Variants in KDM1A observed in about 807,000 individuals in gnomAD.
KDM1A encodes lysine-specific histone demethylase 1A.
A neutral mutation model predicts 109.4 loss-of-function variants in KDM1A; 49 were observed. The ratio of observed to expected loss-of-function variants is 0.45; its 90% CI spans 0.36 to 0.57. KDM1A has a LOEUF of 0.57. Ranked by LOEUF, KDM1A falls within the 20% of genes least tolerant of loss-of-function variation. KDM1A has a pLI of 0.00. For synonymous variants in KDM1A, 380 were observed against 415.4 expected (o/e 0.91, Z 1.04); for missense variants, 668 against 1,116.6 (o/e 0.60, Z 5.73).
intron 1 of KDM1A, among the ~76,000 whole-genome samples, chr1:23,021,620 G>A (rs1465383185): frequency 1.3e-5 from 2 of 152,188 alleles, no homozygotes; most frequent in African/African-American, 4.8e-5. Context: ...AGCCCAGATC[G>A]TGCCACTGCA....
intron 10 of KDM1A, among the ~76,000 whole-genome samples, chr1:23,067,178 TAA>T (rs1454407823): frequency 6.6e-6 from 1 of 152,222 alleles, no homozygotes; most frequent in Non-Finnish European, 1.5e-5. Context: ...AGGCTAAGGG[TAA>T]TTCTTTAATT....
At chr1:23,073,051 T>C (rs978425808) in intron 14 of KDM1A, among the ~76,000 whole-genome samples, 1 of 152,224 alleles carries the variant, frequency 6.6e-6, no homozygotes. Context: ...TTTTTTTTTT[T>C]TCCTTCAGAC....
chr1:23,035,426 T>A (rs1387235240), intron 2 of KDM1A, among the ~76,000 whole-genome samples: 1 of 152,178 alleles, frequency 6.6e-6, no homozygotes, highest in Non-Finnish European at 1.5e-5. Context: ...GATCTCGAAC[T>A]CCTGACCTCA....
intron 2 of KDM1A, among the ~76,000 whole-genome samples, chr1:23,041,366 A>ATGT (rs1279074952): frequency 7.0e-6 from 1 of 142,904 alleles, no homozygotes; most frequent in Non-Finnish European, 1.5e-5. Context: ...ATCATTTCTT[A>ATGT]TGTGGTACCT....
chr1:23,028,428 G>C (rs1035817507), intron 1 of KDM1A, among the ~76,000 whole-genome samples: 5 of 152,132 alleles, frequency 3.3e-5, no homozygotes, highest in African/African-American at 1.2e-4. Context: ...TCCTTCAAAG[G>C]GCATAGTATC....
At position 23,041,225 on chromosome 1, in the gene KDM1A, A is replaced by G. The variant is rs1245961894; in HGVS notation, c.518-3202A>G. Among the ~76,000 whole-genome samples, 6 of 152,336 alleles carry G rather than the reference A, an allele frequency of 3.9e-5. No individual in the cohort carries two copies. In the East Asian group the frequency reaches 5.8e-4, roughly 15 times the overall value. Reference sequence around the variant, plus strand: ...GTCTTTGGAGAAGTAGGCATCTTCAAAATACTCTCAAGTATGATTGGAGTG... The same window carrying G: ...GTCTTTGGAGAAGTAGGCATCTTCAGAATACTCTCAAGTATGATTGGAGTG... On this transcript the variant is annotated intron_variant, in intron 2 of 20. Transcript: ENST00000400181.
rs1310537551 is a variant in KDM1A at position 23,057,535 on chromosome 1, G to T, written c.1042G>T (p.Asp348Tyr). Residue 348 changes from aspartate to tyrosine, a missense_variant, in exon 8 of 21, where the codon GAT (aspartate) becomes TAT (tyrosine). Around this residue, in one of 8 missense-constraint regions of KDM1A, gnomAD observed 53 missense variants for 122.5 expected, o/e 0.43. Coordinates refer to ENST00000400181, the MANE Select transcript of KDM1A (RefSeq NM_001009999.3). ...ATTTCGCAAAGGAAACTATGTAGCT[G>T]ATCTTGGAGCCATGGTGGTAACAGG... is the stretch of plus-strand genomic sequence containing the variant. Reference protein sequence around the residue: ...ATFRKGNYVADLGAMVVTGLG... With the variant: ...ATFRKGNYVAYLGAMVVTGLG... The T allele has an allele frequency of 6.2e-7, 1 of 1,613,844 alleles. No homozygotes were observed. The highest frequency in any genetic ancestry group is 1.7e-5 in the Admixed American group (1 of 59,982).
chr1:23,065,108 G>A (rs1360747414), intron 9 of KDM1A, among the ~76,000 whole-genome samples: 1 of 152,180 alleles, frequency 6.6e-6, no homozygotes, highest in East Asian at 1.9e-4. Flanking sequence ...TACAAGTTAA[G>A]GATCTAGATT....
chr1:23,036,492 A>C, intron 2 of KDM1A, among the ~76,000 whole-genome samples: 1 of 122,114 alleles, frequency 8.2e-6, no homozygotes, highest in African/African-American at 3.2e-5. Context: ...TTTGGAACAC[A>C]TTTCGGTGTT....
intron 12 of KDM1A, among the ~76,000 whole-genome samples, chr1:23,070,756 C>T (rs1368266300): frequency 1.3e-5 from 2 of 150,108 alleles, no homozygotes; most frequent in Non-Finnish European, 3.0e-5. Flanking sequence ...TGCAGTGAGC[C>T]GAGATGGTGC....
At chr1:23,026,542 C>T (rs2124352735) in intron 1 of KDM1A, among the ~76,000 whole-genome samples, 1 of 151,912 alleles carries the variant, frequency 6.6e-6, no homozygotes, top group South Asian at 2.1e-4. Flanking sequence ...AGATGTGCAC[C>T]ACCACCCACA....
At chr1:23,077,126 T>C in intron 15 of KDM1A, 102 bp from the exon 16 acceptor site, 1 of 1,110,974 alleles carries the variant, frequency 9.0e-7, no homozygotes, top group Non-Finnish European at 1.3e-6. Flanking sequence ...AAATATTGAC[T>C]GTTTCCACAA....
chr1:23,050,251 A>T (rs1362417851), intron 3 of KDM1A, 136 bp from the exon 4 acceptor site: 2 of 817,046 alleles, frequency 2.4e-6, no homozygotes, highest in Non-Finnish European at 3.5e-6. Context: ...TATCTAAGGA[A>T]GTTTCAGCTT....
Position 23,019,496 on chromosome 1 carries a change from G to A in KDM1A, c.-101G>A, listed in dbSNP as rs1480669015. The stretch of plus-strand genomic sequence containing the variant: ...GCGTGCGTACGCGACGGCGGTTGGC[G>A]GCGCGCGGGCAGCGTGAAGCGAGGC... On this transcript the variant is annotated 5_prime_UTR_variant, in exon 1 of 21. Coordinates refer to ENST00000400181, the MANE Select transcript of KDM1A (RefSeq NM_001009999.3). 1.0e-5 allele frequency: 13 copies of A among 1,295,476 alleles called. No homozygotes were observed. Among genetic ancestry groups the A allele is most frequent in the African/African-American group, 3.0e-5 (2 of 65,596 alleles). 80.2% of individuals were successfully genotyped at this position (1,295,476 alleles called of 1,614,324 possible).
chr1:23,032,436 T>C (rs1642013238), intron 2 of KDM1A, among the ~76,000 whole-genome samples: 1 of 151,980 alleles, frequency 6.6e-6, no homozygotes, highest in Admixed American at 6.6e-5. Flanking sequence ...GGATTTAGGA[T>C]TTGGGAGCTG....
At chr1:23,034,805 T>TA (rs1642094676) in intron 2 of KDM1A, among the ~76,000 whole-genome samples, 1 of 152,216 alleles carries the variant, frequency 6.6e-6, no homozygotes, top group Non-Finnish European at 1.5e-5. Flanking sequence ...AAAGTTATTC[T>TA]AAAATAAGTA....
Position 23,019,529 on chromosome 1 carries a change from G to A in KDM1A, c.-68G>A, listed in dbSNP as rs898417289. ...GGCAGCGTGAAGCGAGGCGAGGCAA[G>A]GCTTTTCGGACCCACGGAGCGACAG... On this transcript the variant is annotated 5_prime_UTR_variant, in exon 1 of 21. Transcript: ENST00000400181. 2.6e-5 allele frequency: 35 copies of A among 1,332,966 alleles called. No homozygotes were observed. The highest frequency in any genetic ancestry group is 3.3e-5 in the Non-Finnish European group (34 of 1,042,498). 82.6% of individuals were successfully genotyped at this position (1,332,966 alleles called of 1,614,324 possible). A position where few individuals can be genotyped will look rare whatever the true frequency, so the allele number is the denominator to read the frequency against.
chr1:23,054,379 G>A (rs1275383132), intron 5 of KDM1A, among the ~76,000 whole-genome samples: 1 of 152,108 alleles, frequency 6.6e-6, no homozygotes, highest in Non-Finnish European at 1.5e-5. Flanking sequence ...GCAACATAGT[G>A]AGACCCCTAT....
At chr1:23,053,632 C>A in intron 4 of KDM1A, 129 bp from the exon 5 acceptor site, 1 of 664,846 alleles carries the variant, frequency 1.5e-6, no homozygotes, top group South Asian at 1.7e-5. Flanking sequence ...GTGATCCTTC[C>A]ACCTCAGCCT....
Sources: gnomAD v4.1 joint callset for allele counts (sites outside exome capture counted in the v4.1 genomes callset) on GRCh38, gnomAD v4.1.1 for gene constraint, gnomAD v4.1.1 regional missense constraint, MANE v1.5 for transcripts, NCBI Gene and HGNC (gene_info 2026-07-23, HGNC 2026-07-21) for gene names.